RBFOX3: variants seen among roughly 807,000 people sequenced by gnomAD.
RBFOX3 encodes the protein RNA binding fox-1 homolog 3.
A neutral mutation model predicts 48.7 loss-of-function variants in RBFOX3; 17 were observed. The observed-to-expected ratio is 0.35, with a 90% CI of 0.24 to 0.52. The LOEUF is 0.52. Ranked by LOEUF, RBFOX3 falls within the 20% of genes least tolerant of loss-of-function variation. The pLI, the probability that RBFOX3 is intolerant of heterozygous loss-of-function variation, is 0.94. For missense variants in RBFOX3, 382 were observed against 497.5 expected (o/e 0.77, Z 2.21); for synonymous variants, 212 against 209.5 (o/e 1.01, Z -0.10).
At chr17:79,452,550 A>T (rs2149158041) in intron 2 of RBFOX3, among the ~76,000 whole-genome samples, 1 of 152,280 alleles carries the variant, frequency 6.6e-6, no homozygotes, top group African/African-American at 2.4e-5. Context: ...TGCAGCAGCG[A>T]ATGGGTCATT....
intron 2 of RBFOX3, among the ~76,000 whole-genome samples, chr17:79,398,689 A>C (rs1050742602): frequency 6.6e-6 from 1 of 152,196 alleles, no homozygotes; most frequent in African/African-American, 2.4e-5. Context: ...AGGCTGAGAG[A>C]GCGGAATTAC....
chr17:79,603,182 G>A (rs2093747487), intron 1 of RBFOX3, among the ~76,000 whole-genome samples: 2 of 152,070 alleles, frequency 1.3e-5, no homozygotes, highest in Non-Finnish European at 2.9e-5. Flanking sequence ...AGTATAGATG[G>A]GGTTTCACCA....
chr17:79,655,039 G>A, the RBFOX3 span, among the ~76,000 whole-genome samples: 3 of 152,216 alleles, frequency 2.0e-5, no homozygotes, highest in East Asian at 5.8e-4. Flanking sequence ...CTGAGGCTTA[G>A]CTTCCCGACG....
At chr17:79,300,247 G>A (rs139106905) in intron 3 of RBFOX3, among the ~76,000 whole-genome samples, 66 of 152,208 alleles carry the variant, frequency 4.3e-4, no homozygotes, top group East Asian at 3.9e-3. Context: ...CCGGAGCCAC[G>A]AGAGAAGAAA....
At chr17:79,101,835 G>A (rs1028734605) in intron 8 of RBFOX3, among the ~76,000 whole-genome samples, 191 bp from the exon 9 acceptor site, 2 of 152,108 alleles carry the variant, frequency 1.3e-5, no homozygotes, top group African/African-American at 4.8e-5. Context: ...GCCCCGCCTG[G>A]CCCAGGACCC....
intron 2 of RBFOX3, among the ~76,000 whole-genome samples, chr17:79,312,629 A>G (rs561858595): frequency 2.8e-4 from 43 of 152,296 alleles, no homozygotes; most frequent in African/African-American, 1.0e-3. Flanking sequence ...GAGAGGGCAG[A>G]CTGCTGTACA....
chr17:79,300,251 G>C (rs2075099176), intron 3 of RBFOX3, among the ~76,000 whole-genome samples: 1 of 152,140 alleles, frequency 6.6e-6, no homozygotes, highest in Non-Finnish European at 1.5e-5. Context: ...AGCCACGAGA[G>C]AAGAAATTTC....
the RBFOX3 span, among the ~76,000 whole-genome samples, chr17:79,647,151 C>T: frequency 6.6e-6 from 1 of 152,026 alleles, no homozygotes; most frequent in African/African-American, 2.4e-5. Flanking sequence ...GCCCTGATGC[C>T]TAGAGCCGTG....
chr17:79,192,823 T>C (rs1567817349), intron 4 of RBFOX3, among the ~76,000 whole-genome samples: 2 of 152,204 alleles, frequency 1.3e-5, no homozygotes, highest in Non-Finnish European at 2.9e-5. Flanking sequence ...TGGCCACCTT[T>C]TACCAAAACA....
At chr17:79,586,109 C>A (rs2093241760) in intron 1 of RBFOX3, among the ~76,000 whole-genome samples, 1 of 152,202 alleles carries the variant, frequency 6.6e-6, no homozygotes, top group African/African-American at 2.4e-5. Flanking sequence ...GACTTTGTAG[C>A]TCCTTCCACC....
rs2062489718 is a variant in RBFOX3, at chr17:79,242,234, T to TG, written c.-73-6430dup. On this transcript the variant is annotated intron_variant, in intron 3 of 14. Transcript: ENST00000693108. This position sits in a 1 kb window ranked among gnomAD's most constrained non-coding sequence, Gnocchi z 5.8. The stretch of plus-strand genomic sequence containing the variant: ...GGGTGCTACCTGAGGAGCCCCGGGG[T>TG]GGGGGGCAGGCCGTATGGAGGGTCC... Among the ~76,000 whole-genome samples the TG allele has an allele frequency of 6.6e-6, 1 of 151,218 alleles. No homozygotes were observed. The highest frequency in any genetic ancestry group is 6.6e-5 in the Admixed American group (1 of 15,170).
At chr17:79,444,526 A>G (rs1004684364) in intron 2 of RBFOX3, among the ~76,000 whole-genome samples, 1 of 151,812 alleles carries the variant, frequency 6.6e-6, no homozygotes, top group Non-Finnish European at 1.5e-5. Context: ...TCTGTGCCTG[A>G]CCCCAGCCTC....
intron 2 of RBFOX3, among the ~76,000 whole-genome samples, chr17:79,389,652 G>C (rs1194899146): frequency 1.3e-5 from 2 of 152,198 alleles, no homozygotes; most frequent in Non-Finnish European, 1.5e-5. Flanking sequence ...CCGGTTTCCA[G>C]ACTGCCTGAC....
intron 1 of RBFOX3, among the ~76,000 whole-genome samples, chr17:79,590,738 C>T (rs1424272903): frequency 1.3e-5 from 2 of 152,168 alleles, no homozygotes; most frequent in Non-Finnish European, 2.9e-5. Context: ...CTGGATGCTG[C>T]GTGTCCACCT....
In RBFOX3 at chr17:79,305,208, T is replaced by G. The variant is rs559343972; in HGVS notation, c.-74+2516A>C. The stretch of plus-strand genomic sequence containing the variant: ...CAGTTGAAGCAGAGCCACTAAAGGG[T>G]TCTTGCCTGTGTGGGGGGGAAAGGG... On this transcript the variant is annotated intron_variant, in intron 3 of 14. Transcript: ENST00000693108. Among the ~76,000 whole-genome samples the G allele has an allele frequency of 2.4e-4, 37 of 152,016 alleles. No individual in the cohort carries two copies. The South Asian group carries it at 6.6e-3, about 27-fold the overall frequency.
At chr17:79,378,547 C>G (rs1166597298) in intron 2 of RBFOX3, among the ~76,000 whole-genome samples, 2 of 152,218 alleles carry the variant, frequency 1.3e-5, no homozygotes, top group Non-Finnish European at 2.9e-5. Context: ...TCACAGACCC[C>G]AGGAAGCCAA....
intron 3 of RBFOX3, among the ~76,000 whole-genome samples, chr17:79,281,907 C>G (rs2070635603): frequency 6.6e-6 from 1 of 152,126 alleles, no homozygotes; most frequent in Non-Finnish European, 1.5e-5. Flanking sequence ...AACGAACAAG[C>G]CATTAGGCTG....
intron 1 of RBFOX3, among the ~76,000 whole-genome samples, chr17:79,554,386 C>G (rs2091429670): frequency 6.8e-6 from 1 of 147,494 alleles, no homozygotes; most frequent in African/African-American, 2.5e-5. Flanking sequence ...TCACAGTCAC[C>G]CCTCACCTGG....
intron 3 of RBFOX3, among the ~76,000 whole-genome samples, chr17:79,283,528 C>T (rs2071109183): frequency 6.7e-6 from 1 of 150,108 alleles, no homozygotes; most frequent in Non-Finnish European, 1.5e-5. Flanking sequence ...CTCGGCCTCC[C>T]AAAGTGCTGG....
Sources: allele counts gnomAD v4.1 joint callset (sites outside exome capture counted in the v4.1 genomes callset), GRCh38; gene constraint gnomAD v4.1.1; non-coding constraint Gnocchi (gnomAD v3.1); transcripts MANE v1.5; gene names NCBI Gene and HGNC (gene_info 2026-07-23, HGNC 2026-07-21).